Variants in ATG5 observed in about 807,000 individuals in gnomAD.
ATG5 encodes autophagy related 5.
ATG5 carries 14 observed loss-of-function variants against 36.5 expected under a neutral mutation model. The ratio of observed to expected loss-of-function variants is 0.38; its 90% CI spans 0.25 to 0.60. The LOEUF is 0.60. ATG5 is among the 20% of genes least tolerant of loss of function. ATG5 has a pLI of 0.60. For synonymous variants in ATG5, 95 were observed against 101.5 expected (o/e 0.94, Z 0.38); for missense variants, 195 against 326.7 (o/e 0.60, Z 3.11).
intron 6 of ATG5, among the ~76,000 whole-genome samples, chr6:106,238,075 C>T (rs1777965420): frequency 6.6e-6 from 1 of 152,218 alleles, no homozygotes; most frequent in Non-Finnish European, 1.5e-5. Context: ...GTTATATTTA[C>T]TTGAATCAGA....
At chr6:106,232,559 G>A (rs1401011331) in intron 6 of ATG5, among the ~76,000 whole-genome samples, 1 of 151,990 alleles carries the variant, frequency 6.6e-6, no homozygotes, top group Non-Finnish European at 1.5e-5. Flanking sequence ...TAAACTAAAG[G>A]ATTCTGCCTC....
chr6:106,279,545 G>T, intron 5 of ATG5, 116 bp downstream of exon 5: 1 of 931,372 alleles, frequency 1.1e-6, no homozygotes, highest in East Asian at 2.9e-5. Context: ...TCTGGGCACA[G>T]AGGCTACAAT....
At chr6:106,196,743 TG>T (rs1366143640) in intron 7 of ATG5, among the ~76,000 whole-genome samples, 1 of 148,954 alleles carries the variant, frequency 6.7e-6, no homozygotes, top group Non-Finnish European at 1.5e-5. Context: ...AAAAGTAGAT[TG>T]AAAGTTCTAC....
intron 6 of ATG5, among the ~76,000 whole-genome samples, chr6:106,229,942 T>G (rs1453759744): frequency 3.3e-5 from 5 of 152,270 alleles, no homozygotes. Flanking sequence ...GGGGCTATTC[T>G]GTCAGAAAAA....
chr6:106,195,838 AG>A (rs1434584255), intron 7 of ATG5, among the ~76,000 whole-genome samples: 1 of 150,140 alleles, frequency 6.7e-6, no homozygotes, highest in Non-Finnish European at 1.5e-5. Flanking sequence ...AAAAACCACA[AG>A]GGAAGTCACA....
rs532258141 is a variant in ATG5 at position 106,269,278 on chromosome 6, C to A, written c.478+10383G>T. Among the ~76,000 whole-genome samples the A allele has an allele frequency of 4.6e-5, 7 of 152,318 alleles. No individual in the cohort carries two copies. The East Asian group carries it at 1.4e-3, about 29-fold the overall frequency. On this transcript the variant is annotated intron_variant, in intron 5 of 7. Coordinates refer to ENST00000369076, the MANE Select transcript of ATG5 (RefSeq NM_004849.4). Reference sequence around the variant, plus strand: ...CAAACCTTGAGCTAGATACAGAGTGCTGATTGGTGTATTTACAACCCCTGA... The same window carrying A: ...CAAACCTTGAGCTAGATACAGAGTGATGATTGGTGTATTTACAACCCCTGA...
Position 106,189,561 on chromosome 6 carries a change from C to T in ATG5, c.692-2885G>A, listed in dbSNP as rs1775894549. Among the ~76,000 whole-genome samples the T allele has an allele frequency of 2.6e-5, 4 of 151,162 alleles. No individual in the cohort carries two copies. In the South Asian group the frequency reaches 8.4e-4, roughly 32 times the overall value. On this transcript the variant is annotated intron_variant, in intron 7 of 7. Transcript: ENST00000369076. ...GCCTGAGCCCAGGAGGTCAAGGCTACAGTGAGCCGTGATGGCACCACTGCA... is the reference window on the plus strand; with the variant it reads ...GCCTGAGCCCAGGAGGTCAAGGCTATAGTGAGCCGTGATGGCACCACTGCA...
chr6:106,231,862 T>C (rs566347160), intron 6 of ATG5, among the ~76,000 whole-genome samples: 6 of 152,258 alleles, frequency 3.9e-5, no homozygotes, highest in Middle Eastern at 6.8e-3. Context: ...ACCGCTTTAG[T>C]CATGGCCCTC....
At chr6:106,217,634 A>C (rs1204979909) in intron 6 of ATG5, 3 of 152,186 alleles carry the variant, frequency 2.0e-5, no homozygotes, top group African/African-American at 7.2e-5. Flanking sequence ...ATAGTAAGGG[A>C]ACTCTTCCTT....
At chr6:106,212,482 T>C (rs1418213000) in intron 6 of ATG5, among the ~76,000 whole-genome samples, 2 of 151,992 alleles carry the variant, frequency 1.3e-5, no homozygotes, top group Non-Finnish European at 2.9e-5. Flanking sequence ...CTAACAAAAA[T>C]ACAAAAATTA....
chr6:106,313,697 C>T (rs961288008), intron 2 of ATG5, among the ~76,000 whole-genome samples: 2 of 151,934 alleles, frequency 1.3e-5, no homozygotes, highest in African/African-American at 4.8e-5. Flanking sequence ...AATCAAAATG[C>T]AGAAAAGAGG....
Position 106,209,337 on chromosome 6 carries a change from C to A in ATG5, c.574-7248G>T, listed in dbSNP as rs141508940. Among the ~76,000 whole-genome samples, 13 of 152,266 alleles carry A rather than the reference C, an allele frequency of 8.5e-5. 1 individual carries two copies. The East Asian group carries it at 2.3e-3, about 27-fold the overall frequency. On this transcript the variant is annotated intron_variant, in intron 6 of 7. Transcript: ENST00000369076. ...TGTAATAGGTCTGTCCCACGGAATA[C>A]TACTCAGCAATAAAAAGGAACAAAC...
intron 5 of ATG5, among the ~76,000 whole-genome samples, chr6:106,249,830 T>G (rs1386001591): frequency 6.6e-6 from 1 of 152,262 alleles, no homozygotes; most frequent in Non-Finnish European, 1.5e-5. Flanking sequence ...TATCTCATTG[T>G]GGTTTTGATT....
intron 4 of ATG5, among the ~76,000 whole-genome samples, chr6:106,288,044 C>T (rs1350558648): frequency 6.6e-6 from 1 of 151,248 alleles, no homozygotes; most frequent in Admixed American, 6.6e-5. Flanking sequence ...GGTCTCGGCT[C>T]ACTGCAACCT....
intron 4 of ATG5, among the ~76,000 whole-genome samples, chr6:106,284,719 GTTTT>G (rs1182162409): frequency 4.8e-5 from 7 of 144,334 alleles, no homozygotes; most frequent in African/African-American, 1.5e-4. Flanking sequence ...GTTGTGTGGG[GTTTT>G]TTTTGTTTTT....
intron 6 of ATG5, among the ~76,000 whole-genome samples, chr6:106,221,407 C>T (rs1180455934): frequency 6.6e-6 from 1 of 152,054 alleles, no homozygotes; most frequent in East Asian, 1.9e-4. Context: ...AAACTGAGGC[C>T]GGGTACGGTG....
At chr6:106,202,228 T>A (rs1776460532) in intron 6 of ATG5, 139 bp from the exon 7 acceptor site, 3 of 552,172 alleles carry the variant, frequency 5.4e-6, no homozygotes, top group South Asian at 5.5e-5. Flanking sequence ...ATCACAGATG[T>A]GGTATCACTG....
chr6:106,298,865 C>A (rs1423290559), intron 3 of ATG5, among the ~76,000 whole-genome samples: 1 of 152,116 alleles, frequency 6.6e-6, no homozygotes, highest in Non-Finnish European at 1.5e-5. Flanking sequence ...ACAGAACTGG[C>A]AAAAATTAAA....
intron 6 of ATG5, among the ~76,000 whole-genome samples, chr6:106,210,837 A>G (rs1405617981): frequency 6.6e-6 from 1 of 152,216 alleles, no homozygotes; most frequent in African/African-American, 2.4e-5. Flanking sequence ...AGTATTTAGA[A>G]CAATGTCTAG....
Sources: allele counts gnomAD v4.1 joint callset (sites outside exome capture counted in the v4.1 genomes callset), GRCh38; gene constraint gnomAD v4.1.1; transcripts MANE v1.5; gene names NCBI Gene and HGNC (gene_info 2026-07-23, HGNC 2026-07-21).